Variants in SGCD observed in about 807,000 individuals in gnomAD.
SGCD encodes sarcoglycan delta.
In SGCD, 18 loss-of-function variants were observed where a neutral mutation model predicts 36.6. The observed-to-expected ratio is 0.49, with a 90% CI of 0.34 to 0.73. The LOEUF (loss-of-function observed/expected upper bound fraction) is 0.73. SGCD is among the 30% of genes least tolerant of loss of function. SGCD has a pLI of 0.01. For missense variants in SGCD, 387 were observed against 346.7 expected, an observed-to-expected ratio of 1.12 and a Z score of -0.92; for synonymous variants, 133 against 130.6, an observed-to-expected ratio of 1.02 and a Z score of -0.12.
chr5:156,559,951 T>C (rs114743324), intron 4 of SGCD, among the ~76,000 whole-genome samples: 265 of 152,312 alleles, frequency 1.7e-3, no homozygotes, highest in African/African-American at 6.0e-3. Flanking sequence ...ATGGGTCTCT[T>C]TATATTTTTC....
chr5:156,044,891 G>A (rs559892953), intron 1 of SGCD, among the ~76,000 whole-genome samples: 1 of 152,120 alleles, frequency 6.6e-6, no homozygotes, highest in East Asian at 1.9e-4. Context: ...ATACACACAT[G>A]CACACTGCCT....
intron 1 of SGCD, among the ~76,000 whole-genome samples, chr5:156,024,250 C>G (rs986114791): frequency 6.6e-6 from 1 of 151,662 alleles, no homozygotes; most frequent in African/African-American, 2.4e-5. Context: ...AGAAGATACC[C>G]CAATGGGATG....
At chr5:156,124,307 A>T (rs998269202) in intron 3 of SGCD, among the ~76,000 whole-genome samples, 3 of 152,208 alleles carry the variant, frequency 2.0e-5, no homozygotes, top group Non-Finnish European at 2.9e-5. Context: ...CAGGTGTCTC[A>T]GCTAGAAAGA....
chr5:156,752,277 A>C (rs2113149277), intron 7 of SGCD, among the ~76,000 whole-genome samples: 1 of 152,354 alleles, frequency 6.6e-6, no homozygotes, highest in East Asian at 1.9e-4. Flanking sequence ...AAAATTCCTA[A>C]TAGTTGTTAC....
chr5:156,347,299 G>T (rs1048022014), intron 3 of SGCD, among the ~76,000 whole-genome samples: 1 of 152,150 alleles, frequency 6.6e-6, no homozygotes. Context: ...GCCATCTGTC[G>T]ATGTGCATGT....
Position 156,577,950 on chromosome 5 carries a change from A to G in SGCD, c.295-11281A>G, listed in dbSNP as rs574322758. 3.3e-5 allele frequency among the ~76,000 whole-genome samples: 5 copies of G among 152,214 alleles called. No individual in the cohort carries two copies. The South Asian group carries it at 1.0e-3, about 32-fold the overall frequency. On this transcript the variant is annotated intron_variant, in intron 4 of 8. Transcript: ENST00000337851. The stretch of plus-strand genomic sequence containing the variant: ...TGCCCTGGCCAGAACTTGCAACACT[A>G]TGTTGAATAGGAGTGGTGAGAGAGG...
chr5:156,722,603 A>G (rs568759561), intron 7 of SGCD, among the ~76,000 whole-genome samples: 1 of 152,332 alleles, frequency 6.6e-6, no homozygotes, highest in East Asian at 1.9e-4. Flanking sequence ...TCCCAAGCCT[A>G]AAATACAATG....
At chr5:156,409,765 A>T (rs547315788) in intron 3 of SGCD, among the ~76,000 whole-genome samples, 21 of 152,336 alleles carry the variant, frequency 1.4e-4, no homozygotes, top group Admixed American at 1.1e-3. Context: ...ATCTACTCCT[A>T]TGCTAAACAG....
intron 1 of SGCD, among the ~76,000 whole-genome samples, chr5:155,916,697 T>C (rs1756750050): frequency 6.6e-6 from 1 of 152,346 alleles, no homozygotes; most frequent in East Asian, 1.9e-4. Flanking sequence ...TATCAGATTG[T>C]CCTATGGTGA....
intron 3 of SGCD, among the ~76,000 whole-genome samples, chr5:156,273,750 T>G (rs1406409718): frequency 1.3e-5 from 2 of 152,128 alleles, no homozygotes; most frequent in African/African-American, 4.8e-5. Context: ...TGGAGATGAA[T>G]CACTTGAGGT....
At chr5:155,894,953 A>G (rs1485113372) in intron 1 of SGCD, among the ~76,000 whole-genome samples, 2 of 152,188 alleles carry the variant, frequency 1.3e-5, no homozygotes, top group South Asian at 2.1e-4. Flanking sequence ...ATTGCCTTCT[A>G]TGAAACTGGT....
intron 3 of SGCD, among the ~76,000 whole-genome samples, chr5:156,227,464 C>A (rs926340349): frequency 3.3e-5 from 5 of 152,014 alleles, no homozygotes; most frequent in Admixed American, 3.3e-4. Flanking sequence ...GTCTATGTGC[C>A]TATTTTTATA....
At chr5:156,438,398 G>A (rs1382867812) in intron 3 of SGCD, among the ~76,000 whole-genome samples, 1 of 152,112 alleles carries the variant, frequency 6.6e-6, no homozygotes, top group Non-Finnish European at 1.5e-5. Context: ...GCAATTTGCA[G>A]CAAGGGAGGG....
At chr5:155,931,069 T>G (rs1359990018) in intron 1 of SGCD, among the ~76,000 whole-genome samples, 1 of 152,106 alleles carries the variant, frequency 6.6e-6, no homozygotes, top group Non-Finnish European at 1.5e-5. Context: ...GTTGCATGGG[T>G]TTTTTAATAT....
In SGCD at chr5:155,901,158, A is replaced by C. The variant is rs181258949; in HGVS notation, c.-282+30734A>C. On this transcript the variant is annotated intron_variant, in intron 1 of 9. Coordinates refer to the SGCD transcript ENST00000517913. Reference sequence around the variant, plus strand: ...AAACCCTGTCACTACTAAAAATACAAAAAATTAGCCGGCGGTGGTGGTGGG... The same window carrying C: ...AAACCCTGTCACTACTAAAAATACACAAAATTAGCCGGCGGTGGTGGTGGG... Among the ~76,000 whole-genome samples the C allele has an allele frequency of 3.1e-3, 468 of 152,012 alleles. 3 individuals carry two copies. Among genetic ancestry groups the C allele is most frequent in the Middle Eastern group, 0.01 (3 of 294 alleles).
At chr5:156,474,949 T>C (rs1755117372) in intron 3 of SGCD, among the ~76,000 whole-genome samples, 1 of 152,218 alleles carries the variant, frequency 6.6e-6, no homozygotes, top group African/African-American at 2.4e-5. Context: ...GCTAATTCCA[T>C]AGGGTTGTTG....
At chr5:156,196,714 C>T (rs1013037031) in intron 3 of SGCD, among the ~76,000 whole-genome samples, 10 of 152,060 alleles carry the variant, frequency 6.6e-5, no homozygotes, top group African/African-American at 2.4e-4. Context: ...AAAGAGCAAA[C>T]ATAAATAATG....
In SGCD at chr5:156,631,029, G is replaced by T. The variant is rs766984316; in HGVS notation, c.503-16435G>T. ...ATATACCTGCCCCAGCCAAGGAAGG[G>T]CAATATGGTCATAGATATTCTGAGT... On this transcript the variant is annotated intron_variant, in intron 6 of 8. Coordinates refer to ENST00000337851, the MANE Select transcript of SGCD (RefSeq NM_000337.6). 2.0e-5 allele frequency among the ~76,000 whole-genome samples: 3 copies of T among 152,160 alleles called. 1 individual carries two copies. The highest frequency in any genetic ancestry group is 2.0e-4 in the Admixed American group (3 of 15,270).
intron 3 of SGCD, among the ~76,000 whole-genome samples, chr5:156,165,062 G>T (rs1242806207): frequency 6.6e-6 from 1 of 152,214 alleles, no homozygotes; most frequent in Non-Finnish European, 1.5e-5. Context: ...TATATTAAAT[G>T]TGTATTTTGT....
Sources: gnomAD v4.1 joint callset for allele counts (sites outside exome capture counted in the v4.1 genomes callset) on GRCh38, gnomAD v4.1.1 for gene constraint, MANE v1.5 for transcripts, NCBI Gene and HGNC (gene_info 2026-07-23, HGNC 2026-07-21) for gene names.